Variants in GREB1 observed in about 807,000 individuals in gnomAD.
GREB1 encodes the protein growth regulating estrogen receptor binding 1, also known as protein GREB1.
GREB1 carries 106 observed loss-of-function variants against 200.7 expected under a neutral mutation model. The observed-to-expected ratio is 0.53, with a 90% CI of 0.45 to 0.62. The LOEUF is 0.62. Ranked by LOEUF, GREB1 falls within the 20% of genes least tolerant of loss-of-function variation. The probability of loss-of-function intolerance (pLI) is 0.00; values close to 1 mark genes in which losing one functional copy is unlikely to be tolerated. For missense variants in GREB1, 2,243 were observed against 2,556.8 expected (o/e 0.88, Z 2.65); for synonymous variants, 1,132 against 1,092.4 (o/e 1.04, Z -0.72).
Position 11,618,762 on chromosome 2 carries a change from G to GC in GREB1, c.3892dup (p.Leu1298ProfsTer79). On this transcript the variant is annotated frameshift_variant, in exon 22 of 33. Transcript: ENST00000381486. LOFTEE classifies it high-confidence loss of function. ...TCGGTCATGTGGGCCAGCTCTTTCCGCCCCCTGCTCAGCAAGACCATGACA... is the reference window on the plus strand; with the variant it reads ...TCGGTCATGTGGGCCAGCTCTTTCCGCCCCCCTGCTCAGCAAGACCATGACA... The GC allele has an allele frequency of 6.2e-7, 1 of 1,612,786 alleles. No individual in the cohort carries two copies. Among genetic ancestry groups the GC allele is most frequent in the Non-Finnish European group, 8.5e-7 (1 of 1,179,790 alleles).
chr2:11,532,548 A>G (rs1572601868), upstream of GREB1, among the ~76,000 whole-genome samples: 1 of 152,346 alleles, frequency 6.6e-6, no homozygotes, highest in Middle Eastern at 3.4e-3. Context: ...ATTCTGACCT[A>G]GAAGCAACCA....
intron 17 of GREB1, 150 bp downstream of exon 17, chr2:11,602,692 T>A (rs1455818456): frequency 7.4e-6 from 5 of 675,852 alleles, no homozygotes; most frequent in South Asian, 5.7e-5. Context: ...GGTTTTTTCC[T>A]TCTCCTCTAT....
Position 11,642,396 on chromosome 2 carries a change from G to C in GREB1, c.*1942G>C, listed in dbSNP as rs1040985424. 6.6e-6 allele frequency: 1 copy of C among 151,976 alleles called. No individual in the cohort carries two copies. The allele number at this position is 151,976 out of a possible 1,614,324, so 9.4% of individuals were successfully genotyped here. On this transcript the variant is annotated 3_prime_UTR_variant, in exon 33 of 33. Transcript: ENST00000381486. ...GCCCACCTCATCCTCCAAAAGTGCT[G>C]GGATTACAGGCATGAGCCACTGCGC...
At chr2:11,595,767 C>T (rs1681153305) in intron 12 of GREB1, among the ~76,000 whole-genome samples, 1 of 152,120 alleles carries the variant, frequency 6.6e-6, no homozygotes, top group African/African-American at 2.4e-5. Context: ...CATCCTTCTC[C>T]CTTGTTGGCC....
intron 1 of GREB1, among the ~76,000 whole-genome samples, chr2:11,521,909 C>T (rs1209573848): frequency 6.6e-6 from 1 of 152,204 alleles, no homozygotes; most frequent in African/African-American, 2.4e-5. Flanking sequence ...GTACCAGGCC[C>T]TGTTCCCACA....
chr2:11,597,700 T>C lies in GREB1; in HGVS notation c.1955-81T>C. 2 of 1,231,098 alleles carry C rather than the reference T, an allele frequency of 1.6e-6. No individual in the cohort carries two copies. The highest frequency in any genetic ancestry group is 1.2e-6 in the Non-Finnish European group (1 of 833,382). The allele number at this position is 1,231,098 out of a possible 1,614,324, so 76.3% of individuals were successfully genotyped here. A position where few individuals can be genotyped will look rare whatever the true frequency, so the allele number is the denominator to read the frequency against. The stretch of plus-strand genomic sequence containing the variant: ...AATGGGGCCGTCTCCCCTGGACAGG[T>C]CTCACTGATTCTCTGGCCAAGGGCC... On this transcript the variant is annotated intron_variant, in intron 13 of 32. Transcript: ENST00000381486. This position sits in a 1 kb window ranked among gnomAD's most constrained non-coding sequence, Gnocchi z 4.1.
In GREB1 at chr2:11,556,593, A is replaced by G. The variant is rs375762623; in HGVS notation, c.-22A>G. 7 of 1,593,696 alleles carry G rather than the reference A, an allele frequency of 4.4e-6. No homozygotes were observed. The African/African-American group carries it at 9.4e-5, about 21-fold the overall frequency. ...CCGAATCTGAGATGCCATTTTAAACAGAAGACTCCATCCTCTTGAAGATGG... is the reference window on the plus strand; with the variant it reads ...CCGAATCTGAGATGCCATTTTAAACGGAAGACTCCATCCTCTTGAAGATGG... On this transcript the variant is annotated 5_prime_UTR_variant, in exon 2 of 33. Coordinates refer to ENST00000381486, the MANE Select transcript of GREB1 (RefSeq NM_014668.4).
chr2:11,642,056 T>A lies in GREB1; in HGVS notation c.*1602T>A, dbSNP rs1685846143. The A allele has an allele frequency of 6.6e-6, 1 of 152,226 alleles. No homozygotes were observed. The highest frequency in any genetic ancestry group is 6.5e-5 in the Admixed American group (1 of 15,290). 9.4% of individuals were successfully genotyped at this position (152,226 alleles called of 1,614,324 possible). ...CCTACCCTCAATGCCACACTGTTTT[T>A]GAAGTGGCCCATAACTTGAAGGAAA... On this transcript the variant is annotated 3_prime_UTR_variant, in exon 33 of 33. Coordinates refer to ENST00000381486, the MANE Select transcript of GREB1 (RefSeq NM_014668.4).
At chr2:11,626,503 A>G (rs182056741) in intron 24 of GREB1, among the ~76,000 whole-genome samples, 46 of 152,250 alleles carry the variant, frequency 3.0e-4, no homozygotes, top group African/African-American at 1.1e-3. Context: ...CAGGAGAATC[A>G]CTTGAACCTG....
chr2:11,489,384 C>A (rs1053879574), intron 1 of GREB1, among the ~76,000 whole-genome samples: 1 of 152,032 alleles, frequency 6.6e-6, no homozygotes, highest in Non-Finnish European at 1.5e-5. Flanking sequence ...GCTTAAACCC[C>A]GGGGATGGAG....
intron 25 of GREB1, among the ~76,000 whole-genome samples, chr2:11,628,285 GGA>G (rs1266905250): frequency 6.6e-6 from 1 of 152,232 alleles, no homozygotes; most frequent in Non-Finnish European, 1.5e-5. Context: ...CCCGAGCAAG[GGA>G]GAGAGGGGTG....
rs745761192 is a variant in GREB1, at chr2:11,634,115, T to C, written c.4992-16T>C. 6.2e-7 allele frequency: 1 copy of C among 1,612,752 alleles called. No individual in the cohort carries two copies. Among genetic ancestry groups the C allele is most frequent in the Admixed American group, 1.7e-5 (1 of 60,024 alleles). On this transcript the variant is annotated splice_polypyrimidine_tract_variant and intron_variant, in intron 28 of 32. Coordinates refer to ENST00000381486, the MANE Select transcript of GREB1 (RefSeq NM_014668.4). ...CGTGTGTCAGCCTAGGGACTCACTC[T>C]CCCTCCTTGGAGCAGGGAGTTCTCC...
In GREB1 at chr2:11,538,767, C is replaced by T. The variant is rs1323688710; in HGVS notation, c.-162+4513C>T. On this transcript the variant is annotated intron_variant, in intron 1 of 32. Coordinates refer to ENST00000381486, the MANE Select transcript of GREB1 (RefSeq NM_014668.4). ...TCCTTCTTTCCTTCCTTTCTTCCTT[C>T]CTTCCTTCCCGTCTTCCTTCCTTCC... Among the ~76,000 whole-genome samples, 6 of 28,388 alleles carry T rather than the reference C, an allele frequency of 2.1e-4. 1 individual carries two copies. Among genetic ancestry groups the T allele is most frequent in the Admixed American group, 7.3e-4 (2 of 2,736 alleles). 18.6% of individuals were successfully genotyped at this position (28,388 alleles called of 152,430 possible).
At chr2:11,595,450 C>A in intron 12 of GREB1, 71 bp downstream of exon 12, 1 of 1,495,360 alleles carries the variant, frequency 6.7e-7, no homozygotes, top group Non-Finnish European at 9.2e-7. Context: ...GGGAGGTCAT[C>A]TCTGCCTCAC....
At chr2:11,488,932 C>T (rs1042912605) in intron 1 of GREB1, among the ~76,000 whole-genome samples, 9 of 63,584 alleles carry the variant, frequency 1.4e-4, no homozygotes, top group Non-Finnish European at 3.4e-4. Flanking sequence ...TTTGCAGTGA[C>T]ATATTTATTT....
intron 1 of GREB1, among the ~76,000 whole-genome samples, chr2:11,504,302 T>C (rs1486736773): frequency 6.6e-6 from 1 of 152,200 alleles, no homozygotes; most frequent in Admixed American, 6.5e-5. Context: ...GTATGACTTA[T>C]TTTTGGAATT....
intron 14 of GREB1, 87 bp downstream of exon 14, chr2:11,598,065 A>G (rs1681429336): frequency 2.2e-6 from 2 of 920,306 alleles, no homozygotes; most frequent in African/African-American, 1.9e-5. Flanking sequence ...GTTCTTTGCT[A>G]TAGAGTGAAT....
Position 11,611,798 on chromosome 2 carries a change from T to C in GREB1, c.3007-697T>C, listed in dbSNP as rs557320851. On this transcript the variant is annotated intron_variant, in intron 18 of 32. Transcript: ENST00000381486. ...TGGCCCATAGTAGGTTCTCACTCAA[T>C]CTGCAGGTGACAGAAAATGCAAAAG... Among the ~76,000 whole-genome samples, 9 of 152,186 alleles carry C rather than the reference T, an allele frequency of 5.9e-5. No individual in the cohort carries two copies. In the South Asian group the frequency reaches 1.9e-3, roughly 32 times the overall value.
intron 7 of GREB1, among the ~76,000 whole-genome samples, chr2:11,582,172 C>T (rs540394248): frequency 1.3e-5 from 2 of 152,328 alleles, no homozygotes; most frequent in South Asian, 4.1e-4. Flanking sequence ...CTGTGGACCC[C>T]CAGCCTCCAC....
Sources: gnomAD v4.1 joint callset for allele counts (sites outside exome capture counted in the v4.1 genomes callset) on GRCh38, gnomAD v4.1.1 for gene constraint, Gnocchi (gnomAD v3.1) non-coding constraint, MANE v1.5 for transcripts, NCBI Gene and HGNC (gene_info 2026-07-23, HGNC 2026-07-21) for gene names.